KEAP1: variants seen among roughly 807,000 people sequenced by gnomAD.
KEAP1 encodes the protein kelch like ECH associated protein 1, also known as kelch-like ECH-associated protein 1.
In KEAP1, 26 loss-of-function variants were observed where a neutral mutation model predicts 59.7. That is an observed-to-expected ratio of 0.44 (90% confidence interval 0.32 to 0.60). The LOEUF (loss-of-function observed/expected upper bound fraction) is 0.60. Ranked by LOEUF, KEAP1 falls within the 20% of genes least tolerant of loss-of-function variation. The pLI, the probability that KEAP1 is intolerant of heterozygous loss-of-function variation, is 0.06. For missense variants in KEAP1, 539 were observed against 871.4 expected (o/e 0.62, Z 4.80); for synonymous variants, 350 against 358.3 (o/e 0.98, Z 0.26).
chr19:10,488,085 G>A (rs1025174369), intron 5 of KEAP1, among the ~76,000 whole-genome samples: 2 of 152,044 alleles, frequency 1.3e-5, no homozygotes, highest in Non-Finnish European at 2.9e-5. Context: ...CCGAGATCGA[G>A]CCATTGCACT....
rs1033400001 is a variant in KEAP1, at chr19:10,492,276, C to A, written c.640-14G>T. On this transcript the variant is annotated splice_polypyrimidine_tract_variant and intron_variant, in intron 2 of 5. Transcript: ENST00000171111. ...TTGCTTGGCCACCTGCAGAGGGCGA[C>A]AGTGGGACGGGCTGACTCTCCAGTC... The A allele has an allele frequency of 1.3e-6, 2 of 1,599,086 alleles. No individual in the cohort carries two copies.
Position 10,488,951 on chromosome 19 carries a change from C to A in KEAP1, c.1708+241G>T, listed in dbSNP as rs542719609. Among the ~76,000 whole-genome samples, 4 of 151,604 alleles carry A rather than the reference C, an allele frequency of 2.6e-5. No homozygotes were observed. The South Asian group carries it at 8.4e-4, about 32-fold the overall frequency. ...ATCTCAAAAGAAAAAAAACATTAGC[C>A]GGGTGTGGTGGTGCGCGCCTGTGGT... On this transcript the variant is annotated intron_variant, in intron 5 of 5. Coordinates refer to ENST00000171111, the MANE Select transcript of KEAP1 (RefSeq NM_203500.2).
At chr19:10,487,197 T>A (rs1843085322) in intron 5 of KEAP1, among the ~76,000 whole-genome samples, 1 of 150,838 alleles carries the variant, frequency 6.6e-6, no homozygotes, top group South Asian at 2.1e-4. Flanking sequence ...ACATAAAAAT[T>A]TAGCCAGGCT....
At position 10,486,464 on chromosome 19, in the gene KEAP1, C is replaced by T. The variant is rs1914464626; in HGVS notation, c.*188G>A. On this transcript the variant is annotated 3_prime_UTR_variant, in exon 6 of 6. Transcript: ENST00000171111. ...GCTGTCTTGGACACTCCCGGGGCTCCGCTGAGGGGCACATGATTCCCGCTT... is the reference window on the plus strand; with the variant it reads ...GCTGTCTTGGACACTCCCGGGGCTCTGCTGAGGGGCACATGATTCCCGCTT... 8 of 659,732 alleles carry T rather than the reference C, an allele frequency of 1.2e-5. No individual in the cohort carries two copies. Among genetic ancestry groups the T allele is most frequent in the South Asian group, 7.1e-5 (4 of 56,004 alleles). The allele number at this position is 659,732 out of a possible 1,614,324, so 40.9% of individuals were successfully genotyped here.
chr19:10,495,184 T>C (rs1382113117), intron 2 of KEAP1, among the ~76,000 whole-genome samples: 1 of 151,782 alleles, frequency 6.6e-6, no homozygotes, highest in Non-Finnish European at 1.5e-5. Flanking sequence ...AGAGACAGGG[T>C]CTTGCTCTGT....
chr19:10,496,249 A>G (rs1914843929), intron 2 of KEAP1, among the ~76,000 whole-genome samples: 1 of 151,680 alleles, frequency 6.6e-6, no homozygotes, highest in African/African-American at 2.4e-5. Context: ...TAATCCCAGC[A>G]CTTTGGGATG....
At chr19:10,500,554 C>G (rs763576785) in intron 1 of KEAP1, among the ~76,000 whole-genome samples, 1 of 152,164 alleles carries the variant, frequency 6.6e-6, no homozygotes. Flanking sequence ...AAATCCTACC[C>G]TGCCAGAGCT....
rs551723049 is a variant in KEAP1 at position 10,491,813 on chromosome 19, G to A, written c.1089C>T (p.Ser363=). Residue 363 remains serine, a synonymous_variant, in exon 3 of 6, where the codon AGC becomes AGT. Transcript: ENST00000171111. The surrounding 1 kb of genome is among the most constrained non-coding windows in gnomAD (Gnocchi z 5.2). ...LRLADLQVPR[S]GLAGCVVGGL... is the part of the protein sequence containing the mutation. Reference sequence around the variant, plus strand: ...CGCCCACCACGCAGCCGGCCAGGCCGCTCCGCGGCACCTGCAGGTCCGCCA... The same window carrying A: ...CGCCCACCACGCAGCCGGCCAGGCCACTCCGCGGCACCTGCAGGTCCGCCA... 27 of 1,598,884 alleles carry A rather than the reference G, an allele frequency of 1.7e-5. No individual in the cohort carries two copies. The highest frequency in any genetic ancestry group is 1.3e-4 in the South Asian group (12 of 89,568).
chr19:10,488,154 G>A (rs34777454), intron 5 of KEAP1, among the ~76,000 whole-genome samples: 7,931 of 151,838 alleles, frequency 0.052, 290 homozygotes, highest in Non-Finnish European at 0.071. Flanking sequence ...AGGCGTGGTG[G>A]CACGTGCCTG....
chr19:10,500,681 CTT>C (rs539575991), intron 1 of KEAP1, among the ~76,000 whole-genome samples: 15,778 of 128,382 alleles, frequency 0.12, 1,167 homozygotes, highest in African/African-American at 0.23. Flanking sequence ...AGTTTGTTTG[CTT>C]TTTTTTTTTT....
chr19:10,498,082 T>C (rs1914910743), intron 2 of KEAP1, among the ~76,000 whole-genome samples: 1 of 151,852 alleles, frequency 6.6e-6, no homozygotes, highest in Admixed American at 6.6e-5. Flanking sequence ...GCATTTTTAA[T>C]AGAGACGTGG....
In KEAP1 at chr19:10,486,461, C is replaced by T; in HGVS notation, c.*191G>A. 2 of 645,884 alleles carry T rather than the reference C, an allele frequency of 3.1e-6. No individual in the cohort carries two copies. The highest frequency in any genetic ancestry group is 5.4e-6 in the Non-Finnish European group (2 of 369,426). The allele number at this position is 645,884 out of a possible 1,614,324, so 40.0% of individuals were successfully genotyped here. A position where few individuals can be genotyped will look rare whatever the true frequency, so the allele number is the denominator to read the frequency against. On this transcript the variant is annotated 3_prime_UTR_variant, in exon 6 of 6. Transcript: ENST00000171111. ...CAGGCTGTCTTGGACACTCCCGGGG[C>T]TCCGCTGAGGGGCACATGATTCCCG... is the stretch of plus-strand genomic sequence containing the variant.
intron 2 of KEAP1, among the ~76,000 whole-genome samples, chr19:10,494,240 C>A (rs893834788): frequency 9.2e-5 from 14 of 151,692 alleles, no homozygotes; most frequent in African/African-American, 3.2e-4. Flanking sequence ...CCGTGTCCGG[C>A]CGTTGGTCTT....
chr19:10,491,517 T>C lies in KEAP1; in HGVS notation c.1325+60A>G, dbSNP rs2144595643. 1 of 1,366,848 alleles carries C rather than the reference T, an allele frequency of 7.3e-7. No individual in the cohort carries two copies. Among genetic ancestry groups the C allele is most frequent in the Non-Finnish European group, 9.7e-7 (1 of 1,028,196 alleles). The allele number at this position is 1,366,848 out of a possible 1,614,324, so 84.7% of individuals were successfully genotyped here. On this transcript the variant is annotated intron_variant, in intron 3 of 5. Transcript: ENST00000171111. The surrounding 1 kb of genome is among the most constrained non-coding windows in gnomAD (Gnocchi z 5.2). ...CTCAGGAAGAATACCCGGATCTCAG[T>C]GTCTTGGGACTTGCCAGGAGCAGGA...
intron 5 of KEAP1, 64 bp downstream of exon 5, chr19:10,489,128 A>G (rs1489915128): frequency 6.2e-6 from 8 of 1,286,648 alleles, no homozygotes; most frequent in Middle Eastern, 2.8e-4. Context: ...AAAGGAAAGC[A>G]AAAGCAAAAG....
intron 2 of KEAP1, among the ~76,000 whole-genome samples, chr19:10,495,956 G>A (rs1344590479): frequency 1.3e-5 from 2 of 151,918 alleles, no homozygotes; most frequent in South Asian, 2.1e-4. Flanking sequence ...AGACCAAGGC[G>A]GGAAGATTGC....
At position 10,486,593 on chromosome 19, in the gene KEAP1, G is replaced by A. The variant is rs1914468338; in HGVS notation, c.*59C>T. On this transcript the variant is annotated 3_prime_UTR_variant, in exon 6 of 6. Coordinates refer to ENST00000171111, the MANE Select transcript of KEAP1 (RefSeq NM_203500.2). The stretch of plus-strand genomic sequence containing the variant: ...GTCTTTTCTTTTAGTCCCGGTTTTT[G>A]TACAAAAACAATGATACTCCCCATT... 2.0e-6 allele frequency: 3 copies of A among 1,518,118 alleles called. No homozygotes were observed. The highest frequency in any genetic ancestry group is 1.9e-5 in the Admixed American group (1 of 52,874). The allele number at this position is 1,518,118 out of a possible 1,614,324, so 94.0% of individuals were successfully genotyped here. A position where few individuals can be genotyped will look rare whatever the true frequency, so the allele number is the denominator to read the frequency against.
Position 10,486,590 on chromosome 19 carries a change from T to C in KEAP1, c.*62A>G, listed in dbSNP as rs985508670. The C allele has an allele frequency of 6.6e-7, 1 of 1,516,670 alleles. No individual in the cohort carries two copies. The highest frequency in any genetic ancestry group is 9.0e-7 in the Non-Finnish European group (1 of 1,109,372). The allele number at this position is 1,516,670 out of a possible 1,614,324, so 94.0% of individuals were successfully genotyped here. A position where few individuals can be genotyped will look rare whatever the true frequency, so the allele number is the denominator to read the frequency against. ...GCTGTCTTTTCTTTTAGTCCCGGTT[T>C]TTGTACAAAAACAATGATACTCCCC... On this transcript the variant is annotated 3_prime_UTR_variant, in exon 6 of 6. Transcript: ENST00000171111.
intron 4 of KEAP1, 47 bp from the exon 5 acceptor site, chr19:10,489,415 G>A (rs1350926188): frequency 6.4e-7 from 1 of 1,570,930 alleles, no homozygotes; most frequent in East Asian, 2.3e-5. Context: ...TCTGGCTTTG[G>A]GAACCCCAGC....
Sources: allele counts gnomAD v4.1 joint callset (sites outside exome capture counted in the v4.1 genomes callset), GRCh38; gene constraint gnomAD v4.1.1; non-coding constraint Gnocchi (gnomAD v3.1); transcripts MANE v1.5; gene names NCBI Gene and HGNC (gene_info 2026-07-23, HGNC 2026-07-21).